TLN2: variants seen among roughly 807,000 people sequenced by gnomAD.
TLN2 encodes talin 2, also known as talin-2.
In TLN2, 118 loss-of-function variants were observed where a neutral mutation model predicts 294.7. The observed-to-expected ratio is 0.40, with a 90% confidence interval of 0.34 to 0.47. The LOEUF is 0.47. TLN2 is among the 20% of genes least tolerant of loss of function. TLN2 has a pLI of 0.84. For synonymous variants in TLN2, 1,431 were observed against 1,304.5 expected (o/e 1.10, Z -2.09); for missense variants, 3,083 against 3,282.2 (o/e 0.94, Z 1.48).
chr15:62,837,125 C>T (rs1391154335), intron 57 of TLN2, among the ~76,000 whole-genome samples: 1 of 152,196 alleles, frequency 6.6e-6, no homozygotes, highest in Non-Finnish European at 1.5e-5. Flanking sequence ...TGTAGCAAAT[C>T]ATAAATGGCA....
chr15:62,452,457 T>C, intron 1 of TLN2, among the ~76,000 whole-genome samples: 1 of 152,158 alleles, frequency 6.6e-6, no homozygotes, highest in East Asian at 1.9e-4. Context: ...AAAATAAACA[T>C]AACACGAAAT....
intron 1 of TLN2, among the ~76,000 whole-genome samples, chr15:62,497,481 CT>C (rs2039070420): frequency 6.6e-6 from 1 of 152,232 alleles, no homozygotes; most frequent in South Asian, 2.1e-4. Flanking sequence ...GCAGTTGCTC[CT>C]TGCCCTCCAA....
chr15:62,686,755 A>G lies in TLN2; in HGVS notation c.1072A>G (p.Thr358Ala), dbSNP rs1192379375. The G allele has an allele frequency of 1.9e-6, 3 of 1,613,668 alleles. No individual in the cohort carries two copies. Among genetic ancestry groups the G allele is most frequent in the Non-Finnish European group, 1.7e-6 (2 of 1,179,898 alleles). The change falls in exon 12 of 59, where the codon ACC becomes GCC. Residue 358 changes from threonine to alanine, a missense_variant. Coordinates refer to ENST00000636159, the MANE Select transcript of TLN2 (RefSeq NM_015059.3). ...AGTGCTGCAGGAGTGGCCCCTCACC[A>G]CCGTCAAGCGCTGGGCAGCCTCACC... The part of the protein sequence containing the change: ...KEVLQEWPLT[T>A]VKRWAASPKS...
chr15:62,574,056 G>T (rs996079312), intron 1 of TLN2, among the ~76,000 whole-genome samples: 4 of 152,084 alleles, frequency 2.6e-5, no homozygotes, highest in Non-Finnish European at 5.9e-5. Flanking sequence ...ACCAAATGAA[G>T]TGACTGCCAG....
At chr15:62,835,500 T>G in intron 55 of TLN2, 1 of 578,764 alleles carries the variant, frequency 1.7e-6, no homozygotes. Context: ...AGTGGAGCCA[T>G]TCTTAGCATT....
chr15:62,611,854 A>T (rs1391835638), intron 2 of TLN2, among the ~76,000 whole-genome samples: 1 of 152,204 alleles, frequency 6.6e-6, no homozygotes, highest in Non-Finnish European at 1.5e-5. Flanking sequence ...TAAAATGGAG[A>T]TAAGAATAAT....
intron 46 of TLN2, 40 bp from the exon 47 acceptor site, chr15:62,796,087 C>CCATTTCTTAGCTCCCCTCACATTCCCTTT: frequency 1.2e-6 from 2 of 1,605,346 alleles, no homozygotes; most frequent in African/African-American, 2.7e-5. Context: ...CCTGTTCTCT[C>CCATTTCTTAGCTCCCCTCACATTCCCTTT]CATTTCTTAG....
intron 32 of TLN2, among the ~76,000 whole-genome samples, chr15:62,741,829 G>T (rs543750618): frequency 6.8e-6 from 1 of 147,238 alleles, no homozygotes; most frequent in Admixed American, 6.9e-5. Flanking sequence ...CAAGAGACCT[G>T]AATTATATTC....
At chr15:62,609,512 T>G (rs542892380) in intron 2 of TLN2, among the ~76,000 whole-genome samples, 5 of 152,346 alleles carry the variant, frequency 3.3e-5, no homozygotes, top group Admixed American at 3.3e-4. Flanking sequence ...TCCTTGACCT[T>G]CATAACCTTG....
Position 62,763,668 on chromosome 15 carries a change from G to A in TLN2, c.5067G>A (p.Leu1689=). The A allele has an allele frequency of 6.2e-7, 1 of 1,611,834 alleles. No individual in the cohort carries two copies. The highest frequency in any genetic ancestry group is 1.3e-5 in the African/African-American group (1 of 75,034). ...CGCTGGCCGCCGTCAGCCAGAGCCT[G>A]GCCACGAGGGACGACATCTCTGTGG... The part of the protein sequence containing the change: ...QASLAAVSQS[L]ATRDDISVEA... Residue 1689 remains leucine (L), a synonymous_variant, in exon 40 of 59, where the codon CTG becomes CTA. Transcript: ENST00000636159.
intron 1 of TLN2, among the ~76,000 whole-genome samples, chr15:62,447,401 G>A (rs2035879696): frequency 6.6e-6 from 1 of 152,098 alleles, no homozygotes; most frequent in African/African-American, 2.4e-5. Flanking sequence ...TGTGAGACAA[G>A]TGAATGGAAT....
intron 9 of TLN2, among the ~76,000 whole-genome samples, chr15:62,671,887 G>C (rs2141000753): frequency 6.6e-6 from 1 of 151,994 alleles, no homozygotes; most frequent in African/African-American, 2.4e-5. Flanking sequence ...TTAGATCTAG[G>C]GGCTCAATTA....
At chr15:62,562,906 T>TCACACACACACACACACACA (rs61578830) in intron 1 of TLN2, among the ~76,000 whole-genome samples, 2 of 99,244 alleles carry the variant, frequency 2.0e-5, no homozygotes, top group Non-Finnish European at 2.0e-5. Flanking sequence ...TAGTATTCCA[T>TCACACACACACACACACACA]CACACACACA....
intron 1 of TLN2, among the ~76,000 whole-genome samples, chr15:62,554,524 G>C (rs2042500708): frequency 6.6e-6 from 1 of 151,800 alleles, no homozygotes; most frequent in African/African-American, 2.4e-5. Flanking sequence ...GAGAATTGTA[G>C]AACTTTGAAA....
chr15:62,650,116 G>A lies in TLN2; in HGVS notation c.169G>A (p.Asp57Asn), dbSNP rs376567599. 2 of 1,614,064 alleles carry A rather than the reference G, an allele frequency of 1.2e-6. No individual in the cohort carries two copies. Among genetic ancestry groups the A allele is most frequent in the Admixed American group, 1.7e-5 (1 of 60,016 alleles). ...SDYGLFLSDE[D>N]PRKGIWLEAG... ...CTATGGACTCTTTCTTTCGGATGAA[G>A]ACCCGAGGAAAGGGATTTGGCTGGA... The change falls in exon 5 of 59, where the codon GAC becomes AAC. Residue 57 changes from aspartate to asparagine, a missense_variant. Asp to Asn is a conservative substitution (Grantham distance 23). Coordinates refer to ENST00000636159, the MANE Select transcript of TLN2 (RefSeq NM_015059.3).
intron 2 of TLN2, among the ~76,000 whole-genome samples, chr15:62,594,807 T>C (rs1375703298): frequency 6.6e-6 from 1 of 152,024 alleles, no homozygotes; most frequent in Admixed American, 6.6e-5. Flanking sequence ...AATAGACAAA[T>C]GGGATTACAT....
At chr15:62,766,286 T>G in intron 40 of TLN2, 35 bp from the exon 41 acceptor site, 1 of 1,583,878 alleles carries the variant, frequency 6.3e-7, no homozygotes. Flanking sequence ...TGGGGAGCTG[T>G]TATGGGATGA....
At position 62,819,591 on chromosome 15, in the gene TLN2, G is replaced by C. The variant is rs760529140; in HGVS notation, c.6847G>C (p.Glu2283Gln). The C allele has an allele frequency of 6.2e-7, 1 of 1,612,746 alleles. No homozygotes were observed. Among genetic ancestry groups the C allele is most frequent in the Non-Finnish European group, 8.5e-7 (1 of 1,180,002 alleles). ...CAAGCGAGTCGCCGGCGCTGTGACAGAGCTCATCCAGGCGGCGGAAGCCAT... is the reference window on the plus strand; with the variant it reads ...CAAGCGAGTCGCCGGCGCTGTGACACAGCTCATCCAGGCGGCGGAAGCCAT... ...FSKRVAGAVT[E>Q]LIQAAEAMKG... Residue 2283 changes from glutamate to glutamine, a missense_variant, in exon 53 of 59, where the codon GAG (glutamate) becomes CAG (glutamine). Transcript: ENST00000636159.
intron 1 of TLN2, among the ~76,000 whole-genome samples, chr15:62,503,397 C>G (rs960056354): frequency 2.0e-5 from 3 of 152,084 alleles, no homozygotes; most frequent in Non-Finnish European, 4.4e-5. Flanking sequence ...ACCCTGAGCT[C>G]GAATCCTCCA....
Sources: allele counts gnomAD v4.1 joint callset (sites outside exome capture counted in the v4.1 genomes callset), GRCh38; gene constraint gnomAD v4.1.1; transcripts MANE v1.5; gene names NCBI Gene and HGNC (gene_info 2026-07-23, HGNC 2026-07-21).